The following AGAP1 variants were observed in gnomAD, a reference collection of about 807,000 sequenced individuals.
AGAP1 encodes arf-GAP with GTPase, ANK repeat and PH domain-containing protein 1.
Under a neutral mutation model 105.3 loss-of-function variants are expected in AGAP1, and 29 were observed. The observed-to-expected ratio is 0.28, with a 90% CI of 0.21 to 0.38. The LOEUF (loss-of-function observed/expected upper bound fraction) is 0.38, where lower values mean the gene tolerates loss of function less well. Among genes scored for constraint, AGAP1 ranks in the 10% least tolerant of loss-of-function variants. The pLI is 1.00. For missense variants in AGAP1, 998 were observed against 1,165.1 expected, an observed-to-expected ratio of 0.86 and a Z score of 2.09; for synonymous variants, 509 against 485.9, an observed-to-expected ratio of 1.05 and a Z score of -0.63.
intron 1 of AGAP1, among the ~76,000 whole-genome samples, chr2:235,640,922 C>G (rs553476004): frequency 2.0e-5 from 3 of 152,322 alleles, no homozygotes; most frequent in Non-Finnish European, 4.4e-5. Flanking sequence ...GGCTGGCAAG[C>G]AGTGCTGGCT....
intron 1 of AGAP1, among the ~76,000 whole-genome samples, chr2:235,679,697 T>G (rs1411094241): frequency 6.6e-6 from 1 of 152,228 alleles, no homozygotes; most frequent in Non-Finnish European, 1.5e-5. Flanking sequence ...TCACCTTTCC[T>G]AATCCCTGCT....
intron 13 of AGAP1, among the ~76,000 whole-genome samples, chr2:236,015,589 G>A (rs562566845): frequency 8.6e-5 from 13 of 152,042 alleles, no homozygotes; most frequent in African/African-American, 2.7e-4. Flanking sequence ...GTCAAGGGTC[G>A]GAATTACTTT....
rs937061701 is a variant in AGAP1, at chr2:235,958,871, C to G, written c.1484-9591C>G. On this transcript the variant is annotated intron_variant, in intron 12 of 17. Transcript: ENST00000304032. The surrounding 1 kb of genome is among the most constrained non-coding windows in gnomAD (Gnocchi z 4.1). ...CTCCGAGTGAAAAGTGAAACTGCTT[C>G]TTTGACTCATACTTCACGTTCCGAA... is the stretch of plus-strand genomic sequence containing the variant. 1.3e-5 allele frequency among the ~76,000 whole-genome samples: 2 copies of G among 152,200 alleles called. No individual in the cohort carries two copies. Among genetic ancestry groups the G allele is most frequent in the Non-Finnish European group, 2.9e-5 (2 of 68,040 alleles).
rs534419007 is a variant in AGAP1, at chr2:236,109,682, G to A, written c.2115-10510G>A. Among the ~76,000 whole-genome samples, 20 of 152,318 alleles carry A rather than the reference G, an allele frequency of 1.3e-4. No individual in the cohort carries two copies. The highest frequency in any genetic ancestry group is 2.1e-4 in the South Asian group (1 of 4,826). On this transcript the variant is annotated intron_variant, in intron 16 of 17. Transcript: ENST00000304032. The surrounding 1 kb of genome is among the most constrained non-coding windows in gnomAD (Gnocchi z 5.4). Reference sequence around the variant, plus strand: ...GGCGGCAGCGTCGGTGCTCTGGACCGGCAGCCGTGGAAACGTTCTGGATCC... The same window carrying A: ...GGCGGCAGCGTCGGTGCTCTGGACCAGCAGCCGTGGAAACGTTCTGGATCC...
In AGAP1 at chr2:235,709,185, T is replaced by G; in HGVS notation, c.170T>G (p.Phe57Cys). 1 of 1,614,118 alleles carries G rather than the reference T, an allele frequency of 6.2e-7. No homozygotes were observed. Among genetic ancestry groups the G allele is most frequent in the Non-Finnish European group, 8.5e-7 (1 of 1,180,016 alleles). ...GTGTCCTCCTCTTTTTCAGATGCCT[T>G]CGTGAACAGCCAGGAATGGACGCTG... is the stretch of plus-strand genomic sequence containing the variant. ...REHVIAIEDAFVNSQEWTLSR... is the reference protein window; with the variant it reads ...REHVIAIEDACVNSQEWTLSR... Residue 57 changes from phenylalanine to cysteine, a missense_variant, in exon 2 of 18, where the codon TTC becomes TGC. Physicochemically the swap from Phe to Cys is radical, Grantham distance 205 (BLOSUM62 -2). This residue lies in a region of AGAP1 where 735 missense variants were observed against 833.4 expected (regional missense o/e 0.88). Transcript: ENST00000304032.
At chr2:235,870,291 T>C (rs1039230243) in intron 9 of AGAP1, among the ~76,000 whole-genome samples, 1 of 152,186 alleles carries the variant, frequency 6.6e-6, no homozygotes, top group Non-Finnish European at 1.5e-5. Context: ...GGACAAGTTA[T>C]CTCACACACC....
intron 1 of AGAP1, among the ~76,000 whole-genome samples, chr2:235,683,197 C>T (rs955978639): frequency 5.3e-5 from 8 of 150,280 alleles, no homozygotes; most frequent in Non-Finnish European, 7.4e-5. Flanking sequence ...ATCCCAGCTA[C>T]TGGGGGGCTG....
intron 1 of AGAP1, among the ~76,000 whole-genome samples, chr2:235,498,500 C>A (rs1338171714): frequency 3.3e-5 from 5 of 152,334 alleles, no homozygotes. Flanking sequence ...CGCCTCCAGT[C>A]TGAACAGCGT....
rs1045588581 is a variant in AGAP1 at position 235,824,985 on chromosome 2, T to C, written c.1050+17654T>C. 1.3e-5 allele frequency among the ~76,000 whole-genome samples: 2 copies of C among 152,186 alleles called. No homozygotes were observed. Among genetic ancestry groups the C allele is most frequent in the East Asian group, 1.9e-4 (1 of 5,194 alleles). ...AACAGTGGAGGAGATTCAGGAGACTTGATTTATGGAAGCTTTTTCTTATTT... is the reference window on the plus strand; with the variant it reads ...AACAGTGGAGGAGATTCAGGAGACTCGATTTATGGAAGCTTTTTCTTATTT... On this transcript the variant is annotated intron_variant, in intron 9 of 17. Transcript: ENST00000304032. The surrounding 1 kb of genome is among the most constrained non-coding windows in gnomAD (Gnocchi z 5.2).
At chr2:235,667,448 A>T (rs1414739127) in intron 1 of AGAP1, among the ~76,000 whole-genome samples, 2 of 151,804 alleles carry the variant, frequency 1.3e-5, no homozygotes, top group Admixed American at 1.3e-4. Context: ...GCTGATGCTT[A>T]CTAAGACAAA....
intron 1 of AGAP1, among the ~76,000 whole-genome samples, chr2:235,672,620 G>T (rs1948497394): frequency 6.6e-6 from 1 of 152,240 alleles, no homozygotes; most frequent in Non-Finnish European, 1.5e-5. Flanking sequence ...GCTTTCAGAG[G>T]AAGTTAAGAC....
chr2:235,948,245 C>T (rs34168749), intron 12 of AGAP1, among the ~76,000 whole-genome samples: 76,107 of 151,450 alleles, frequency 0.5, 19,400 homozygotes, highest in South Asian at 0.64. Flanking sequence ...TGCAGTGGCA[C>T]GATCTCAGCT....
intron 1 of AGAP1, among the ~76,000 whole-genome samples, chr2:235,602,542 C>T (rs1451783078): frequency 1.3e-5 from 2 of 152,182 alleles, no homozygotes; most frequent in Non-Finnish European, 2.9e-5. Context: ...TAGCCGTGCC[C>T]TCTGCCTGAG....
At chr2:235,921,913 C>A (rs186830037) in intron 11 of AGAP1, among the ~76,000 whole-genome samples, 29 of 152,320 alleles carry the variant, frequency 1.9e-4, no homozygotes, top group South Asian at 4.1e-4. Flanking sequence ...CGAATGGGCC[C>A]CATTCACAGG....
intron 9 of AGAP1, among the ~76,000 whole-genome samples, chr2:235,850,432 T>C (rs911627173): frequency 1.3e-5 from 2 of 152,210 alleles, no homozygotes; most frequent in African/African-American, 4.8e-5. Flanking sequence ...TTGGTCCCCT[T>C]GGTCCTAGCA....
chr2:235,510,190 G>T (rs1226836880), intron 1 of AGAP1, among the ~76,000 whole-genome samples: 1 of 152,142 alleles, frequency 6.6e-6, no homozygotes, highest in African/African-American at 2.4e-5. Flanking sequence ...CACAATAAAT[G>T]TAATGCATTT....
intron 13 of AGAP1, among the ~76,000 whole-genome samples, chr2:235,986,359 A>G (rs2055313039): frequency 1.3e-5 from 2 of 152,170 alleles, no homozygotes; most frequent in Non-Finnish European, 2.9e-5. Context: ...TATCAGTTCA[A>G]GGAGTTTTTA....
rs143340760 is a variant in AGAP1, at chr2:235,968,636, C to T, written c.1645+13C>T. On this transcript the variant is annotated intron_variant, in intron 13 of 17. Transcript: ENST00000304032. Reference sequence around the variant, plus strand: ...GGCACTGCTGAAGGTAAGGGTTCCGCGGTGCCCCGGGAGAGAGTCTCCACT... The same window carrying T: ...GGCACTGCTGAAGGTAAGGGTTCCGTGGTGCCCCGGGAGAGAGTCTCCACT... 4.7e-3 allele frequency: 7,566 copies of T among 1,594,502 alleles called. 23 individuals are homozygous for T. Among genetic ancestry groups the T allele is most frequent in the Non-Finnish European group, 5.9e-3 (6,912 of 1,174,386 alleles).
intron 1 of AGAP1, among the ~76,000 whole-genome samples, chr2:235,698,523 C>G (rs1950106333): frequency 6.6e-6 from 1 of 152,110 alleles, no homozygotes; most frequent in South Asian, 2.1e-4. Context: ...TATCCCTATT[C>G]AACATTTTCA....
Sources: allele counts gnomAD v4.1 joint callset (sites outside exome capture counted in the v4.1 genomes callset), GRCh38; gene constraint gnomAD v4.1.1; regional missense constraint gnomAD v4.1.1; non-coding constraint Gnocchi (gnomAD v3.1); transcripts MANE v1.5; gene names NCBI Gene and HGNC (gene_info 2026-07-23, HGNC 2026-07-21).